ZFP64: variants seen among roughly 807,000 people sequenced by gnomAD.
ZFP64 encodes ZFP64 zinc finger protein.
In ZFP64, 14 loss-of-function variants were observed where a neutral mutation model predicts 51.6. The ratio of observed to expected loss-of-function variants is 0.27; its 90% CI spans 0.18 to 0.42. ZFP64 has a LOEUF of 0.42. Ranked by LOEUF, ZFP64 falls within the 10% of genes least tolerant of loss-of-function variation. The pLI is 1.00. For synonymous variants in ZFP64, 375 were observed against 361.4 expected (o/e 1.04, Z -0.43); for missense variants, 754 against 906.8 (o/e 0.83, Z 2.16).
chr20:52,113,629 G>C (rs1600719803), intron 5 of ZFP64, among the ~76,000 whole-genome samples: 2 of 145,292 alleles, frequency 1.4e-5, no homozygotes, highest in African/African-American at 5.1e-5. Context: ...AGGAGAGACA[G>C]GGTTTTACCA....
chr20:52,174,954 T>C (rs6021780), intron 2 of ZFP64, among the ~76,000 whole-genome samples: 3,417 of 152,316 alleles, frequency 0.022, 120 homozygotes, highest in African/African-American at 0.079. Context: ...GCATTTCCTT[T>C]ACATGTAATT....
At chr20:52,084,876 T>C (rs1305492830) in exon 9 of ZFP64, 3 of 1,613,838 alleles carry the variant, frequency 1.9e-6, no homozygotes, top group South Asian at 2.2e-5. Flanking sequence ...GTCGACGTGC[T>C]TGGCCAGGCT....
At chr20:52,093,525 C>T (rs1451116818) in intron 7 of ZFP64, among the ~76,000 whole-genome samples, 1 of 152,178 alleles carries the variant, frequency 6.6e-6, no homozygotes, top group Non-Finnish European at 1.5e-5. Context: ...TTTATCTTCC[C>T]TACCTTAACT....
Position 52,151,506 on chromosome 20 carries a change from A to G in ZFP64, c.*640T>C. On this transcript the variant is annotated 3_prime_UTR_variant, in exon 6 of 6. Transcript: ENST00000216923. ...CCATTTACTACACAAATGTAATAAGATGGACAGAAACCTTTATTAGAGTTG... is the reference window on the plus strand; with the variant it reads ...CCATTTACTACACAAATGTAATAAGGTGGACAGAAACCTTTATTAGAGTTG... 2.0e-6 allele frequency: 2 copies of G among 985,604 alleles called. No homozygotes were observed. The highest frequency in any genetic ancestry group is 2.4e-6 in the Non-Finnish European group (2 of 830,094). The allele number at this position is 985,604 out of a possible 1,614,324, so 61.1% of individuals were successfully genotyped here.
At chr20:52,120,076 T>C (rs1979103825) in intron 5 of ZFP64, among the ~76,000 whole-genome samples, 1 of 152,254 alleles carries the variant, frequency 6.6e-6, no homozygotes, top group South Asian at 2.1e-4. Context: ...ATTAGTGCCC[T>C]TATAAAAGAG....
intron 3 of ZFP64, 111 bp downstream of exon 3, chr20:52,165,753 G>A (rs1220780104): frequency 7.0e-7 from 1 of 1,424,108 alleles, no homozygotes; most frequent in Non-Finnish European, 9.8e-7. Context: ...TTTTATGCCA[G>A]GTAGTTTGGA....
chr20:52,169,967 C>T (rs1448089161), intron 2 of ZFP64, among the ~76,000 whole-genome samples: 2 of 151,894 alleles, frequency 1.3e-5, no homozygotes, highest in East Asian at 1.9e-4. Flanking sequence ...GCAGGAGAAT[C>T]GCTTGAACCT....
chr20:52,114,249 C>T (rs1171340956), intron 5 of ZFP64, among the ~76,000 whole-genome samples: 2 of 152,262 alleles, frequency 1.3e-5, no homozygotes, highest in African/African-American at 4.8e-5. Context: ...AACACACACA[C>T]ATGCTGAGCG....
chr20:52,122,333 C>T lies in ZFP64; in HGVS notation c.764-23746G>A, dbSNP rs190357626. ...CATTCTGGCTAACACAGTGAAACCC[C>T]GTCTCTACTAAAAATACAAAAAATT... On this transcript the variant is annotated intron_variant, in intron 5 of 8. Coordinates refer to the ZFP64 transcript ENST00000361387. Among the ~76,000 whole-genome samples, 367 of 152,130 alleles carry T rather than the reference C, an allele frequency of 2.4e-3. 3 individuals carry two copies. Among genetic ancestry groups the T allele is most frequent in the East Asian group, 4.8e-3 (25 of 5,162 alleles).
intron 2 of ZFP64, among the ~76,000 whole-genome samples, chr20:52,173,209 T>G (rs113872317): frequency 0.024 from 3,586 of 152,304 alleles, 59 homozygotes; most frequent in African/African-American, 0.041. Flanking sequence ...TCCTTTTCTC[T>G]TTTTAAATGA....
chr20:52,154,049 C>A (rs1981107871), intron 5 of ZFP64, among the ~76,000 whole-genome samples: 1 of 152,056 alleles, frequency 6.6e-6, no homozygotes. Context: ...AAAAAAAATT[C>A]ATATTCGCTG....
At chr20:52,098,058 C>CT (rs558347068) in intron 6 of ZFP64, among the ~76,000 whole-genome samples, 30 of 150,738 alleles carry the variant, frequency 2.0e-4, no homozygotes, top group African/African-American at 5.8e-4. Flanking sequence ...AGAGCAAGAC[C>CT]TTGTCTTGGG....
chr20:52,106,478 C>T (rs1372417790), intron 5 of ZFP64, among the ~76,000 whole-genome samples: 1 of 152,034 alleles, frequency 6.6e-6, no homozygotes, highest in Non-Finnish European at 1.5e-5. Flanking sequence ...TTAACAGCGC[C>T]GCGTATGAGT....
At chr20:52,102,183 T>C (rs1760834903) in intron 5 of ZFP64, among the ~76,000 whole-genome samples, 1 of 149,360 alleles carries the variant, frequency 6.7e-6, no homozygotes. Context: ...TTTAGCCAGA[T>C]CCCCAGGTGA....
chr20:52,085,205 T>C lies in ZFP64; in HGVS notation c.1290A>G (p.Lys430=). The C allele has an allele frequency of 6.2e-7, 1 of 1,614,198 alleles. No individual in the cohort carries two copies. Among genetic ancestry groups the C allele is most frequent in the Non-Finnish European group, 8.5e-7 (1 of 1,180,026 alleles). The change falls in exon 9 of 9, where the codon AAA becomes AAG. Residue 430 remains lysine (K), a synonymous_variant. Transcript: ENST00000361387. This position sits in a 1 kb window ranked among gnomAD's most constrained non-coding sequence, Gnocchi z 4.3. ...CCCCCGAGTGCACGATCATGTGCCT[T>C]TTCAAGTCCGAGCTGATTTTGAACT...
At chr20:52,104,305 C>T (rs1294522108) in intron 5 of ZFP64, among the ~76,000 whole-genome samples, 1 of 152,188 alleles carries the variant, frequency 6.6e-6, no homozygotes, top group African/African-American at 2.4e-5. Flanking sequence ...GGTCCCCTCC[C>T]GCAGGCTCTT....
intron 2 of ZFP64, among the ~76,000 whole-genome samples, chr20:52,174,553 A>G (rs1438140515): frequency 6.6e-6 from 1 of 151,950 alleles, no homozygotes; most frequent in African/African-American, 2.4e-5. Context: ...ATCATTTAAT[A>G]TATATTTTTA....
chr20:52,164,368 C>T (rs6013409), intron 4 of ZFP64, among the ~76,000 whole-genome samples: 39,919 of 152,072 alleles, frequency 0.26, 5,420 homozygotes, highest in Admixed American at 0.31. Flanking sequence ...CATATGAACT[C>T]GTAGGGTCAT....
In ZFP64 at chr20:52,173,672, C is replaced by T. The variant is rs151080419; in HGVS notation, c.287-7647G>A. ...TTTTTTTTTTTCTTTTTTTTTGAGA[C>T]GGAGTCTGGCTCTGTTGCCAGGCTG... is the stretch of plus-strand genomic sequence containing the variant. On this transcript the variant is annotated intron_variant, in intron 2 of 5. Coordinates refer to ENST00000216923, the MANE Select transcript of ZFP64 (RefSeq NM_018197.3). 4.7e-3 allele frequency among the ~76,000 whole-genome samples: 696 copies of T among 148,498 alleles called. 5 individuals carry two copies. Among genetic ancestry groups the T allele is most frequent in the African/African-American group, 0.015 (625 of 40,364 alleles).
Sources: gnomAD v4.1 joint callset for allele counts (sites outside exome capture counted in the v4.1 genomes callset) on GRCh38, gnomAD v4.1.1 for gene constraint, Gnocchi (gnomAD v3.1) non-coding constraint, MANE v1.5 for transcripts, NCBI Gene and HGNC (gene_info 2026-07-23, HGNC 2026-07-21) for gene names.